The following B3GALT5 variants were observed in gnomAD, a reference collection of about 807,000 sequenced individuals.
The protein encoded by B3GALT5 is UDP-Gal:betaGlcNAc beta 1,3-galactosyltransferase, polypeptide 5.
For synonymous variants in B3GALT5, 156 were observed against 158.6 expected (o/e 0.98, Z 0.12); for missense variants, 328 against 396.6 (o/e 0.83, Z 1.47).
In B3GALT5 at chr21:39,661,216, C is replaced by T. The variant is rs529977380; in HGVS notation, c.657C>T (p.Tyr219=). ...RYPPFCSGTG[Y]VFSGDVASQV... Reference sequence around the variant, plus strand: ...CACCATTCTGCTCCGGCACCGGCTACGTGTTTTCTGGCGACGTGGCGAGTC... The same window carrying T: ...CACCATTCTGCTCCGGCACCGGCTATGTGTTTTCTGGCGACGTGGCGAGTC... Residue 219 remains tyrosine, a synonymous_variant, in exon 4 of 4, where the codon TAC becomes TAT. Transcript: ENST00000684187. The surrounding 1 kb of genome is among the most constrained non-coding windows in gnomAD (Gnocchi z 4.7). 7 of 1,614,178 alleles carry T rather than the reference C, an allele frequency of 4.3e-6. 1 individual carries two copies. Among genetic ancestry groups the T allele is most frequent in the South Asian group, 3.3e-5 (3 of 91,084 alleles).
At chr21:39,640,895 A>G (rs1184901518) in intron 1 of B3GALT5, among the ~76,000 whole-genome samples, 1 of 151,920 alleles carries the variant, frequency 6.6e-6, no homozygotes, top group Non-Finnish European at 1.5e-5. Context: ...ACATGCCACC[A>G]TGCCTGGCTA....
intron 1 of B3GALT5, among the ~76,000 whole-genome samples, chr21:39,619,061 C>G (rs2079121371): frequency 6.6e-6 from 1 of 152,044 alleles, no homozygotes; most frequent in Non-Finnish European, 1.5e-5. Context: ...ATTTGTAATA[C>G]CATTTGTAAT....
At chr21:39,617,628 T>C (rs1036870099) in intron 1 of B3GALT5, among the ~76,000 whole-genome samples, 4 of 152,216 alleles carry the variant, frequency 2.6e-5, no homozygotes, top group African/African-American at 4.8e-5. Context: ...AGATGAGATT[T>C]GGGTGGGGAC....
Position 39,671,833 on chromosome 21 carries a change from C to A in B3GALT5, c.*10341C>A. Reference sequence around the variant, plus strand: ...TTTTCCTGCTGTTGAAATCTGAGTGCTAGGAACGGACCTCTTGCTCTCAGA... The same window carrying A: ...TTTTCCTGCTGTTGAAATCTGAGTGATAGGAACGGACCTCTTGCTCTCAGA... On this transcript the variant is annotated 3_prime_UTR_variant, in exon 4 of 4. Transcript: ENST00000684187. 1 of 152,300 alleles carries A rather than the reference C, an allele frequency of 6.6e-6. No individual in the cohort carries two copies. Among genetic ancestry groups the A allele is most frequent in the Non-Finnish European group, 1.5e-5 (1 of 68,058 alleles). The allele number at this position is 152,300 out of a possible 1,614,324, so 9.4% of individuals were successfully genotyped here.
At chr21:39,620,647 G>A (rs1323994620) in intron 1 of B3GALT5, among the ~76,000 whole-genome samples, 1 of 152,170 alleles carries the variant, frequency 6.6e-6, no homozygotes, top group Admixed American at 6.5e-5. Context: ...TTTCCCAGCT[G>A]TCTTTGCTCT....
intron 1 of B3GALT5, among the ~76,000 whole-genome samples, chr21:39,639,440 CTT>C (rs1413970067): frequency 0.045 from 5,086 of 113,126 alleles, 188 homozygotes; most frequent in Non-Finnish European, 0.064. Flanking sequence ...TTCTTTCTTT[CTT>C]TCTTTCTTTC....
At chr21:39,647,560 G>A (rs1477017160) in intron 2 of B3GALT5, among the ~76,000 whole-genome samples, 1 of 130,332 alleles carries the variant, frequency 7.7e-6, no homozygotes, top group African/African-American at 2.9e-5. Flanking sequence ...GCTGGTCCAC[G>A]CTGGTCTTTA....
In B3GALT5 at chr21:39,670,842, G is replaced by T. The variant is rs1381328472; in HGVS notation, c.*9350G>T. 10 of 152,138 alleles carry T rather than the reference G, an allele frequency of 6.6e-5. No homozygotes were observed. Among genetic ancestry groups the T allele is most frequent in the African/African-American group, 2.4e-4 (10 of 41,426 alleles). The allele number at this position is 152,138 out of a possible 1,614,324, so 9.4% of individuals were successfully genotyped here. ...AATTATTTAATCTAACAGCTGCCAT[G>T]CACCCTCATTTTAAAAACAGATGAG... On this transcript the variant is annotated 3_prime_UTR_variant, in exon 4 of 4. Transcript: ENST00000684187.
chr21:39,663,689 GA>G lies in B3GALT5; in HGVS notation c.*2199del, dbSNP rs1290858612. ...ACATTATTTCATGAATCTAGAACTT[GA>G]AGGAACCTTAGAGCTCATTCAATCC... is the stretch of plus-strand genomic sequence containing the variant. On this transcript the variant is annotated 3_prime_UTR_variant, in exon 4 of 4. Transcript: ENST00000684187. 1 of 152,194 alleles carries G rather than the reference GA, an allele frequency of 6.6e-6. No homozygotes were observed. Among genetic ancestry groups the G allele is most frequent in the Non-Finnish European group, 1.5e-5 (1 of 68,040 alleles). 9.4% of individuals were successfully genotyped at this position (152,194 alleles called of 1,614,324 possible). A position where few individuals can be genotyped will look rare whatever the true frequency, so the allele number is the denominator to read the frequency against.
intron 1 of B3GALT5, among the ~76,000 whole-genome samples, chr21:39,636,850 G>A (rs2079231669): frequency 6.6e-6 from 1 of 152,166 alleles, no homozygotes; most frequent in Non-Finnish European, 1.5e-5. Flanking sequence ...GGGGAGCAGA[G>A]CACACAGAGC....
chr21:39,671,463 CAG>C lies in B3GALT5; in HGVS notation c.*9972_*9973del, dbSNP rs2079627844. Reference sequence around the variant, plus strand: ...ACTTGATAATTATCTATTGGGTTCTCAGGGGATCTCTCAAAGGTGGTATTCAG... The same window carrying C: ...ACTTGATAATTATCTATTGGGTTCTCGGGATCTCTCAAAGGTGGTATTCAG... On this transcript the variant is annotated 3_prime_UTR_variant, in exon 4 of 4. Coordinates refer to ENST00000684187, the MANE Select transcript of B3GALT5 (RefSeq NM_001356336.2). The C allele has an allele frequency of 6.6e-6, 1 of 152,054 alleles. No individual in the cohort carries two copies. The highest frequency in any genetic ancestry group is 6.6e-5 in the Admixed American group (1 of 15,260). 9.4% of individuals were successfully genotyped at this position (152,054 alleles called of 1,614,324 possible). A position where few individuals can be genotyped will look rare whatever the true frequency, so the allele number is the denominator to read the frequency against.
chr21:39,656,321 T>C (rs1000609830), intron 2 of B3GALT5, among the ~76,000 whole-genome samples: 2 of 152,104 alleles, frequency 1.3e-5, no homozygotes, highest in African/African-American at 4.8e-5. Context: ...GGAGCGAGTG[T>C]CCTGAAAGCA....
chr21:39,639,346 C>CTTTCTTTCTTTT lies in B3GALT5; in HGVS notation c.-391-7042_-391-7041insTTTCTTTTTTTC, dbSNP rs1569212166. 1.9e-3 allele frequency among the ~76,000 whole-genome samples: 213 copies of CTTTCTTTCTTTT among 114,480 alleles called. 1 individual carries two copies. The highest frequency in any genetic ancestry group is 0.012 in the Middle Eastern group (3 of 248). 75.1% of individuals were successfully genotyped at this position (114,480 alleles called of 152,430 possible). On this transcript the variant is annotated intron_variant, in intron 1 of 3. Transcript: ENST00000684187. ...TCTTTCTTTCTTTCTTTCTTTCTTTCTTTCCTTCCTTCCTTCCTTCCTTCC... is the reference window on the plus strand; with the variant it reads ...TCTTTCTTTCTTTCTTTCTTTCTTTCTTTCTTTCTTTTTTTCCTTCCTTCCTTCCTTCCTTCC...
intron 1 of B3GALT5, among the ~76,000 whole-genome samples, chr21:39,644,413 T>C (rs2079317651): frequency 6.6e-6 from 1 of 152,190 alleles, no homozygotes; most frequent in African/African-American, 2.4e-5. Context: ...CGCCATTTTA[T>C]TTAGGAACCC....
chr21:39,647,246 C>T (rs767601740), intron 2 of B3GALT5, among the ~76,000 whole-genome samples: 8 of 152,322 alleles, frequency 5.3e-5, no homozygotes, highest in Non-Finnish European at 8.8e-5. Context: ...ACCTTGAGGA[C>T]GGCCAAACTT....
chr21:39,661,147 C>G lies in B3GALT5; in HGVS notation c.588C>G (p.Ser196Arg). The G allele has an allele frequency of 6.2e-7, 1 of 1,613,972 alleles. No homozygotes were observed. Among genetic ancestry groups the G allele is most frequent in the Non-Finnish European group, 8.5e-7 (1 of 1,179,862 alleles). The change falls in exon 4 of 4, where the codon AGC (serine) becomes AGG (arginine). Residue 196 changes from serine to arginine, a missense_variant. Physicochemically the swap from Ser to Arg is moderately radical, Grantham distance 110. Transcript: ENST00000684187. This position sits in a 1 kb window ranked among gnomAD's most constrained non-coding sequence, Gnocchi z 4.7. ...LNEFPIRQPF[S>R]KWFVSKSEYP... ...AGTTTCCCATCAGGCAGCCATTCAG[C>G]AAGTGGTTTGTCAGTAAATCTGAAT...
In B3GALT5 at chr21:39,667,400, C is replaced by T. The variant is rs549791487; in HGVS notation, c.*5908C>T. ...GTTATTTTTGTGCAAAAAATTATCC[C>T]GATGTTTACTTTGGTTTCATAAGTA... On this transcript the variant is annotated 3_prime_UTR_variant, in exon 4 of 4. Coordinates refer to ENST00000684187, the MANE Select transcript of B3GALT5 (RefSeq NM_001356336.2). 4 of 152,284 alleles carry T rather than the reference C, an allele frequency of 2.6e-5. No homozygotes were observed. The highest frequency in any genetic ancestry group is 3.9e-4 in the East Asian group (2 of 5,192). 9.4% of individuals were successfully genotyped at this position (152,284 alleles called of 1,614,324 possible). A position where few individuals can be genotyped will look rare whatever the true frequency, so the allele number is the denominator to read the frequency against.
intron 1 of B3GALT5, among the ~76,000 whole-genome samples, chr21:39,624,956 GCAGGAAGGATAAC>G (rs1321473595): frequency 1.3e-5 from 2 of 151,912 alleles, no homozygotes; most frequent in Non-Finnish European, 2.9e-5. Context: ...AAGATCATTT[GCAGGAAGGATAAC>G]CAAACTACAT....
chr21:39,620,308 G>T (rs1046341382), intron 1 of B3GALT5, among the ~76,000 whole-genome samples: 4 of 152,112 alleles, frequency 2.6e-5, no homozygotes, highest in African/African-American at 9.7e-5. Flanking sequence ...AAGAGTTCAG[G>T]GTAGTTATTT....
Sources: gnomAD v4.1 joint callset for allele counts (sites outside exome capture counted in the v4.1 genomes callset) on GRCh38, gnomAD v4.1.1 for gene constraint, Gnocchi (gnomAD v3.1) non-coding constraint, MANE v1.5 for transcripts, NCBI Gene and HGNC (gene_info 2026-07-23, HGNC 2026-07-21) for gene names.